RAPGEF5: variants seen among roughly 807,000 people sequenced by gnomAD.
RAPGEF5 encodes the protein Rap guanine nucleotide exchange factor 5.
RAPGEF5 carries 65 observed loss-of-function variants against 125.2 expected under a neutral mutation model. That is an observed-to-expected ratio of 0.52 (90% CI 0.43 to 0.64). RAPGEF5 has a LOEUF of 0.64. Among genes scored for constraint, RAPGEF5 ranks in the 30% least tolerant of loss-of-function variants. The probability of loss-of-function intolerance (pLI) is 0.00; values close to 1 mark genes in which losing one functional copy is unlikely to be tolerated. For missense variants in RAPGEF5, 958 were observed against 1,048.1 expected, an observed-to-expected ratio of 0.91 and a Z score of 1.19; for synonymous variants, 391 against 385.9, an observed-to-expected ratio of 1.01 and a Z score of -0.16.
At chr7:22,267,071 G>C in intron 6 of RAPGEF5, 59 bp from the exon 7 acceptor site, 4 of 1,497,830 alleles carry the variant, frequency 2.7e-6, no homozygotes, top group Non-Finnish European at 3.7e-6. Flanking sequence ...GCCATCAAAA[G>C]CAGTACTTTG....
intron 9 of RAPGEF5, among the ~76,000 whole-genome samples, chr7:22,198,093 T>C (rs531066948): frequency 2.6e-5 from 4 of 152,288 alleles, no homozygotes; most frequent in East Asian, 1.9e-4. Context: ...GGTTTTACCA[T>C]GTTGCCTAGG....
In RAPGEF5 at chr7:22,324,100, A is replaced by T. The variant is rs114082639; in HGVS notation, c.232-6063T>A. On this transcript the variant is annotated intron_variant, in intron 1 of 25. Transcript: ENST00000665637. The stretch of plus-strand genomic sequence containing the variant: ...ACAACTGTACAGTGGAGTTTAGCTC[A>T]CACCACTTTAAACAAATGATAAAAA... Among the ~76,000 whole-genome samples, 551 of 152,342 alleles carry T rather than the reference A, an allele frequency of 3.6e-3. 3 individuals carry two copies. Among genetic ancestry groups the T allele is most frequent in the African/African-American group, 0.013 (528 of 41,570 alleles).
intron 8 of RAPGEF5, among the ~76,000 whole-genome samples, chr7:22,223,199 G>A (rs1331605286): frequency 1.3e-5 from 2 of 152,104 alleles, no homozygotes; most frequent in Non-Finnish European, 2.9e-5. Flanking sequence ...TAATCAATCA[G>A]AAAAGGAATC....
chr7:22,355,093 A>C (rs1317068635), intron 1 of RAPGEF5, among the ~76,000 whole-genome samples: 3 of 152,210 alleles, frequency 2.0e-5, no homozygotes, highest in African/African-American at 7.2e-5. Context: ...ACTGACAATC[A>C]AACTTCCTTC....
At chr7:22,282,610 T>C (rs1201596855) in intron 6 of RAPGEF5, among the ~76,000 whole-genome samples, 1 of 152,194 alleles carries the variant, frequency 6.6e-6, no homozygotes, top group African/African-American at 2.4e-5. Context: ...AAATGCTTCA[T>C]CTCTCCAATG....
chr7:22,225,654 C>T (rs1445750103), intron 8 of RAPGEF5, among the ~76,000 whole-genome samples: 2 of 152,102 alleles, frequency 1.3e-5, no homozygotes, highest in Non-Finnish European at 2.9e-5. Context: ...TTTGCTATGG[C>T]AGGAGAAGCA....
At chr7:22,219,288 C>T (rs907454008) in intron 9 of RAPGEF5, among the ~76,000 whole-genome samples, 4 of 151,900 alleles carry the variant, frequency 2.6e-5, no homozygotes, top group African/African-American at 7.3e-5. Flanking sequence ...GAGGACCAAG[C>T]GGAACGTCCC....
chr7:22,335,729 A>C (rs993764803), intron 1 of RAPGEF5, among the ~76,000 whole-genome samples: 3 of 147,774 alleles, frequency 2.0e-5, no homozygotes, highest in South Asian at 2.1e-4. Flanking sequence ...CAACAACAAC[A>C]ACGAAACTTC....
At chr7:22,169,328 T>A (rs1279293758) in intron 11 of RAPGEF5, among the ~76,000 whole-genome samples, 1 of 152,198 alleles carries the variant, frequency 6.6e-6, no homozygotes, top group Non-Finnish European at 1.5e-5. Context: ...ACACTGGTCA[T>A]CCTAATGAGA....
chr7:22,200,106 T>C (rs1583476153), intron 9 of RAPGEF5, among the ~76,000 whole-genome samples: 3 of 152,130 alleles, frequency 2.0e-5, no homozygotes, highest in African/African-American at 7.2e-5. Context: ...TCTTGTACTA[T>C]GGAAATTCAC....
At chr7:22,167,551 A>G (rs1244684349) in intron 11 of RAPGEF5, among the ~76,000 whole-genome samples, 1 of 152,202 alleles carries the variant, frequency 6.6e-6, no homozygotes, top group South Asian at 2.1e-4. Context: ...TCATGTGTTA[A>G]TAAATTAAGG....
chr7:22,280,571 GA>G (rs1032660077), intron 6 of RAPGEF5, among the ~76,000 whole-genome samples: 3 of 152,192 alleles, frequency 2.0e-5, no homozygotes, highest in African/African-American at 7.2e-5. Flanking sequence ...ATTCACCCAG[GA>G]GTGGGAATGA....
rs191404569 is a variant in RAPGEF5, at chr7:22,244,565, C to G, written c.797-13646G>C. ...TCCCATCACCCCCAGATGGAATCAT[C>G]TAGTTGCAGGAAAACAAGCTCAGGT... is the stretch of plus-strand genomic sequence containing the variant. On this transcript the variant is annotated intron_variant, in intron 7 of 25. Transcript: ENST00000665637. 4.6e-3 allele frequency among the ~76,000 whole-genome samples: 705 copies of G among 152,196 alleles called. 5 individuals carry two copies. Among genetic ancestry groups the G allele is most frequent in the Non-Finnish European group, 7.5e-3 (513 of 68,018 alleles).
In RAPGEF5 at chr7:22,146,780, A is replaced by G. The variant is rs1783452875; in HGVS notation, c.2007+117T>C. Reference sequence around the variant, plus strand: ...CTTTCAATATATTTCAAGTCCCCAAATATCTTTTGGACCACGTTATTCTAG... The same window carrying G: ...CTTTCAATATATTTCAAGTCCCCAAGTATCTTTTGGACCACGTTATTCTAG... On this transcript the variant is annotated intron_variant, in intron 19 of 25. Coordinates refer to ENST00000665637, the MANE Select transcript of RAPGEF5 (RefSeq NM_012294.5). The G allele has an allele frequency of 3.9e-6, 5 of 1,273,246 alleles. No individual in the cohort carries two copies. In the South Asian group the frequency reaches 8.2e-5, roughly 21 times the overall value. 78.9% of individuals were successfully genotyped at this position (1,273,246 alleles called of 1,614,324 possible).
chr7:22,159,883 C>T (rs535885752), intron 14 of RAPGEF5, among the ~76,000 whole-genome samples: 13 of 152,104 alleles, frequency 8.5e-5, no homozygotes, highest in East Asian at 1.9e-4. Flanking sequence ...CTGAGGTGGG[C>T]GAATCACCTG....
chr7:22,162,285 C>A (rs979152776), intron 13 of RAPGEF5, 112 bp downstream of exon 13: 2 of 1,119,824 alleles, frequency 1.8e-6, no homozygotes, highest in African/African-American at 1.6e-5. Flanking sequence ...CACAACTTGA[C>A]TATCACAAGA....
At chr7:22,336,865 C>G (rs1239408877) in intron 1 of RAPGEF5, among the ~76,000 whole-genome samples, 2 of 152,130 alleles carry the variant, frequency 1.3e-5, no homozygotes, top group Non-Finnish European at 2.9e-5. Context: ...TGACAAGGAC[C>G]CCCATCTTTA....
chr7:22,297,992 C>T (rs1312157344), intron 5 of RAPGEF5, among the ~76,000 whole-genome samples: 3 of 152,134 alleles, frequency 2.0e-5, no homozygotes, highest in Middle Eastern at 3.4e-3. Context: ...TTGTCTGCAT[C>T]TATAAAATTT....
chr7:22,287,956 C>T (rs1393855314), intron 6 of RAPGEF5, among the ~76,000 whole-genome samples: 1 of 152,136 alleles, frequency 6.6e-6, no homozygotes, highest in Non-Finnish European at 1.5e-5. Context: ...TTTTGCAGGC[C>T]GATTGCCCAC....
Sources: gnomAD v4.1 joint callset for allele counts (sites outside exome capture counted in the v4.1 genomes callset) on GRCh38, gnomAD v4.1.1 for gene constraint, MANE v1.5 for transcripts, NCBI Gene and HGNC (gene_info 2026-07-23, HGNC 2026-07-21) for gene names.